KIAA1328: variants seen among roughly 807,000 people sequenced by gnomAD.
KIAA1328 encodes protein hinderin.
Under a neutral mutation model 68.1 loss-of-function variants are expected in KIAA1328, and 52 were observed. The observed-to-expected ratio is 0.76, with a 90% CI of 0.61 to 0.96. The LOEUF is 0.96. Ranked by LOEUF, KIAA1328 falls within the 40% of genes least tolerant of loss-of-function variation. The pLI is 0.00. For synonymous variants in KIAA1328, 232 were observed against 239.4 expected, an observed-to-expected ratio of 0.97 and a Z score of 0.28; for missense variants, 641 against 677.6, an observed-to-expected ratio of 0.95 and a Z score of 0.60.
At chr18:37,174,016 C>T (rs559318094) in intron 9 of KIAA1328, among the ~76,000 whole-genome samples, 1 of 152,134 alleles carries the variant, frequency 6.6e-6, no homozygotes, top group South Asian at 2.1e-4. Flanking sequence ...TCTTAAAGAA[C>T]TTTTGAGAAA....
chr18:36,911,718 C>A (rs1490556154), intron 5 of KIAA1328, among the ~76,000 whole-genome samples: 1 of 152,148 alleles, frequency 6.6e-6, no homozygotes, highest in Non-Finnish European at 1.5e-5. Context: ...TCCTTTTTAG[C>A]TGCATGAACC....
At chr18:37,212,335 G>A (rs1357124653) in intron 9 of KIAA1328, among the ~76,000 whole-genome samples, 3 of 152,160 alleles carry the variant, frequency 2.0e-5, no homozygotes, top group Non-Finnish European at 4.4e-5. Flanking sequence ...GAAAGGATTT[G>A]AATTTACAGA....
rs539646416 is a variant in KIAA1328, at chr18:36,944,455, T to G, written c.449-14853T>G. Among the ~76,000 whole-genome samples the G allele has an allele frequency of 3.9e-5, 6 of 152,188 alleles. No homozygotes were observed. The East Asian group carries it at 1.2e-3, about 29-fold the overall frequency. On this transcript the variant is annotated intron_variant, in intron 5 of 9. Coordinates refer to ENST00000280020, the MANE Select transcript of KIAA1328 (RefSeq NM_020776.3). ...TTAGCCAGGCATGGTGGCGGGCGCC[T>G]CTGTTCCCAGCTACTCAGGAGGCTG... is the stretch of plus-strand genomic sequence containing the variant.
intron 7 of KIAA1328, among the ~76,000 whole-genome samples, chr18:37,106,453 C>G (rs139198746): frequency 8.0e-4 from 120 of 149,954 alleles, no homozygotes; most frequent in Non-Finnish European, 4.4e-5. Flanking sequence ...CAGTCTCGCT[C>G]TGTCACCCAG....
chr18:37,146,152 T>C (rs180708908), intron 7 of KIAA1328, among the ~76,000 whole-genome samples: 28 of 152,198 alleles, frequency 1.8e-4, no homozygotes, highest in Non-Finnish European at 3.7e-4. Flanking sequence ...GAAACTTGTA[T>C]CATGGGGGTT....
At chr18:37,095,705 T>TA (rs1192848651) in intron 7 of KIAA1328, among the ~76,000 whole-genome samples, 2 of 151,630 alleles carry the variant, frequency 1.3e-5, no homozygotes, top group African/African-American at 2.4e-5. Context: ...GCCAATGAAA[T>TA]AAAAAAATTG....
At chr18:37,090,433 A>T (rs576683763) in intron 7 of KIAA1328, among the ~76,000 whole-genome samples, 1 of 152,208 alleles carries the variant, frequency 6.6e-6, no homozygotes, top group Non-Finnish European at 1.5e-5. Context: ...TAATAATTCT[A>T]CAAAGGCTTC....
intron 6 of KIAA1328, among the ~76,000 whole-genome samples, chr18:37,001,776 C>G (rs185747687): frequency 6.6e-6 from 1 of 152,230 alleles, no homozygotes; most frequent in Non-Finnish European, 1.5e-5. Flanking sequence ...TCAATAGATG[C>G]AGAAAAAGCA....
downstream of KIAA1328, among the ~76,000 whole-genome samples, chr18:37,227,629 A>G (rs1206311865): frequency 1.3e-5 from 2 of 152,226 alleles, no homozygotes; most frequent in African/African-American, 4.8e-5. Flanking sequence ...GAATATTTTA[A>G]GCACACTGTT....
At chr18:36,955,179 T>C (rs1418331278) in intron 5 of KIAA1328, among the ~76,000 whole-genome samples, 1 of 151,302 alleles carries the variant, frequency 6.6e-6, no homozygotes, top group East Asian at 2.0e-4. Flanking sequence ...TCACCCAGGC[T>C]AGAGTGCAAT....
chr18:37,056,244 A>G (rs1184540451), intron 6 of KIAA1328, among the ~76,000 whole-genome samples: 1 of 152,236 alleles, frequency 6.6e-6, no homozygotes, highest in African/African-American at 2.4e-5. Context: ...GCATACATGT[A>G]TACAAGATCA....
At chr18:37,093,937 T>G (rs1379248012) in intron 7 of KIAA1328, among the ~76,000 whole-genome samples, 1 of 152,082 alleles carries the variant, frequency 6.6e-6, no homozygotes, top group Non-Finnish European at 1.5e-5. Context: ...AGACTAACAG[T>G]GAATTTGTCA....
intron 5 of KIAA1328, among the ~76,000 whole-genome samples, chr18:36,905,104 TTTATTTA>T (rs2049170569): frequency 6.6e-6 from 1 of 150,618 alleles, no homozygotes; most frequent in Non-Finnish European, 1.5e-5. Context: ...TATTTATTTA[TTTATTTA>T]TTTATTTATT....
At chr18:37,006,587 A>G (rs186199881) in intron 6 of KIAA1328, among the ~76,000 whole-genome samples, 5 of 152,078 alleles carry the variant, frequency 3.3e-5, no homozygotes, top group Admixed American at 2.0e-4. Flanking sequence ...CAGGTTTGTT[A>G]CATATGTATA....
At chr18:37,075,841 G>T (rs1477191289) in intron 7 of KIAA1328, among the ~76,000 whole-genome samples, 4 of 152,130 alleles carry the variant, frequency 2.6e-5, no homozygotes, top group African/African-American at 7.2e-5. Flanking sequence ...AGCAAGTCCT[G>T]AGTGACCTAC....
chr18:36,859,973 CTTA>C (rs2047512073), intron 4 of KIAA1328, among the ~76,000 whole-genome samples: 1 of 146,540 alleles, frequency 6.8e-6, no homozygotes, highest in African/African-American at 2.5e-5. Context: ...TAAATGTTTT[CTTA>C]TTCCACATAT....
chr18:36,988,280 T>A (rs1433342261), intron 6 of KIAA1328, among the ~76,000 whole-genome samples: 1 of 152,226 alleles, frequency 6.6e-6, no homozygotes, highest in Non-Finnish European at 1.5e-5. Flanking sequence ...TTTATATAAG[T>A]GTATATAGAT....
intron 5 of KIAA1328, among the ~76,000 whole-genome samples, chr18:36,951,670 T>C (rs956574101): frequency 6.6e-6 from 1 of 152,220 alleles, no homozygotes; most frequent in African/African-American, 2.4e-5. Context: ...AACTCTGTGT[T>C]CTAAAGCTGC....
chr18:36,850,397 A>T (rs2047173600), intron 4 of KIAA1328, among the ~76,000 whole-genome samples: 1 of 151,922 alleles, frequency 6.6e-6, no homozygotes, highest in Non-Finnish European at 1.5e-5. Context: ...TTTATTGAGG[A>T]TTCTCTAGGC....
Sources: gnomAD v4.1 joint callset for allele counts (sites outside exome capture counted in the v4.1 genomes callset) on GRCh38, gnomAD v4.1.1 for gene constraint, MANE v1.5 for transcripts, NCBI Gene and HGNC (gene_info 2026-07-23, HGNC 2026-07-21) for gene names.